Variants in KCNIP1 observed in about 807,000 individuals in gnomAD.
KCNIP1 encodes A-type potassium channel modulatory protein KCNIP1.
KCNIP1 carries 18 observed loss-of-function variants against 33.0 expected under a neutral mutation model. The observed-to-expected ratio is 0.55, with a 90% CI of 0.38 to 0.81. The LOEUF (loss-of-function observed/expected upper bound fraction) is 0.81. Ranked by LOEUF, KCNIP1 falls within the 30% of genes least tolerant of loss-of-function variation. KCNIP1 has a pLI of 0.00. For synonymous variants in KCNIP1, 93 were observed against 98.3 expected, an observed-to-expected ratio of 0.95 and a Z score of 0.32; for missense variants, 238 against 271.6, an observed-to-expected ratio of 0.88 and a Z score of 0.87.
At chr5:170,398,336 C>A (rs1312233208) in intron 1 of KCNIP1, among the ~76,000 whole-genome samples, 1 of 152,158 alleles carries the variant, frequency 6.6e-6, no homozygotes, top group African/African-American at 2.4e-5. Context: ...AGCCAAAATT[C>A]TAGGGCAAAA....
At chr5:170,703,025 C>G (rs1347646235) in intron 1 of KCNIP1, among the ~76,000 whole-genome samples, 1 of 138,394 alleles carries the variant, frequency 7.2e-6, no homozygotes, top group Non-Finnish European at 1.5e-5. Flanking sequence ...AAGTATAAGG[C>G]TGAAATGTAC....
At chr5:170,723,991 G>A (rs972330134) in intron 5 of KCNIP1, among the ~76,000 whole-genome samples, 6 of 152,208 alleles carry the variant, frequency 3.9e-5, no homozygotes, top group Admixed American at 2.0e-4. Context: ...TGACAGGTCA[G>A]CAGAGTCAGA....
rs1262294706 is a variant in KCNIP1, at chr5:170,367,384, A to G, written c.88+13420A>G. ...AAGAAAGAAAGAAAGAAAGAAAGAA[A>G]GAAAGAAAGAAAGAAAGAAAGAAAG... On this transcript the variant is annotated intron_variant, in intron 1 of 7. Coordinates refer to the KCNIP1 transcript ENST00000377360. Among the ~76,000 whole-genome samples the G allele has an allele frequency of 1.4e-4, 17 of 125,144 alleles. 1 individual carries two copies. The highest frequency in any genetic ancestry group is 5.6e-4 in the African/African-American group (17 of 30,212). 82.1% of individuals were successfully genotyped at this position (125,144 alleles called of 152,430 possible). A position where few individuals can be genotyped will look rare whatever the true frequency, so the allele number is the denominator to read the frequency against.
intron 1 of KCNIP1, among the ~76,000 whole-genome samples, chr5:170,410,878 C>T (rs779823359): frequency 3.3e-5 from 5 of 152,218 alleles, no homozygotes; most frequent in Non-Finnish European, 5.9e-5. Context: ...GGGCCCCACA[C>T]AGACGCAGGT....
chr5:170,371,721 C>T (rs764736520), intron 1 of KCNIP1, among the ~76,000 whole-genome samples: 3 of 152,168 alleles, frequency 2.0e-5, no homozygotes, highest in Admixed American at 6.5e-5. Context: ...CCCTTATTAC[C>T]GTTAGGAATG....
chr5:170,472,364 C>T (rs576093093), intron 1 of KCNIP1, among the ~76,000 whole-genome samples: 87 of 152,300 alleles, frequency 5.7e-4, no homozygotes, highest in African/African-American at 1.9e-3. Context: ...TAGGTCCGCC[C>T]GCCTGGGTAA....
intron 1 of KCNIP1, among the ~76,000 whole-genome samples, chr5:170,514,198 C>T (rs959415710): frequency 2.6e-5 from 4 of 152,204 alleles, no homozygotes; most frequent in Non-Finnish European, 5.9e-5. Context: ...AGCTCCTCAC[C>T]CATGCCAACC....
Position 170,367,401 on chromosome 5 carries a change from G to GAAAGAAA in KCNIP1, c.88+13438_88+13444dup, listed in dbSNP as rs1356886603. Among the ~76,000 whole-genome samples the GAAAGAAA allele has an allele frequency of 1.7e-5, 2 of 121,064 alleles. 1 individual carries two copies. Among genetic ancestry groups the GAAAGAAA allele is most frequent in the Non-Finnish European group, 3.5e-5 (2 of 57,538 alleles). 79.4% of individuals were successfully genotyped at this position (121,064 alleles called of 152,430 possible). A position where few individuals can be genotyped will look rare whatever the true frequency, so the allele number is the denominator to read the frequency against. Reference sequence around the variant, plus strand: ...AGAAAGAAAGAAAGAAAGAAAGAAAGAAAGAAAGAAAGAAAGAAAGGAAAG... The same window carrying GAAAGAAA: ...AGAAAGAAAGAAAGAAAGAAAGAAAGAAAGAAAAAAGAAAGAAAGAAAGAAAGGAAAG... On this transcript the variant is annotated intron_variant, in intron 1 of 7. Transcript: ENST00000377360.
rs538796847 is a variant in KCNIP1, at chr5:170,657,439, G to A, written c.62-61319G>A. On this transcript the variant is annotated intron_variant, in intron 1 of 7. Transcript: ENST00000328939. The stretch of plus-strand genomic sequence containing the variant: ...TTCCTTAGGGCAGGCACCCACCACC[G>A]CCTTGGCTCAGGCCTCAGTTTCCAT... 2.0e-4 allele frequency among the ~76,000 whole-genome samples: 31 copies of A among 152,254 alleles called. 1 individual carries two copies. In the South Asian group the frequency reaches 5.4e-3, roughly 27 times the overall value.
chr5:170,549,856 G>C (rs1756543748), intron 1 of KCNIP1, among the ~76,000 whole-genome samples: 1 of 152,046 alleles, frequency 6.6e-6, no homozygotes, highest in Non-Finnish European at 1.5e-5. Flanking sequence ...TCATTTTTTG[G>C]GTAGAATTCA....
chr5:170,593,359 T>C (rs184313747), intron 1 of KCNIP1, among the ~76,000 whole-genome samples: 2 of 152,168 alleles, frequency 1.3e-5, no homozygotes, highest in Non-Finnish European at 2.9e-5. Context: ...CTTCCAGAAA[T>C]GTTTAACAGA....
chr5:170,517,707 A>T (rs1381975102), intron 1 of KCNIP1, among the ~76,000 whole-genome samples: 1 of 150,432 alleles, frequency 6.6e-6, no homozygotes, highest in Admixed American at 6.6e-5. Context: ...GGTGATGGTG[A>T]TGGTAGTAGT....
intron 1 of KCNIP1, among the ~76,000 whole-genome samples, chr5:170,387,432 ACCC>A (rs1489490319): frequency 4.5e-4 from 69 of 152,100 alleles, no homozygotes; most frequent in African/African-American, 1.6e-3. Context: ...CTGCCCTCAT[ACCC>A]GGGCATCTCC....
At chr5:170,539,487 C>T (rs140044159) in intron 1 of KCNIP1, among the ~76,000 whole-genome samples, 45 of 152,250 alleles carry the variant, frequency 3.0e-4, no homozygotes, top group African/African-American at 9.9e-4. Context: ...TTTGGGCATC[C>T]GGATCTCAGC....
At chr5:170,508,568 G>A (rs1223259607) in intron 1 of KCNIP1, among the ~76,000 whole-genome samples, 1 of 152,212 alleles carries the variant, frequency 6.6e-6, no homozygotes, top group East Asian at 1.9e-4. Context: ...GCAGGCCTTT[G>A]GCAAGTCATT....
intron 1 of KCNIP1, among the ~76,000 whole-genome samples, chr5:170,601,159 G>A (rs748683773): frequency 1.3e-5 from 2 of 152,374 alleles, no homozygotes; most frequent in South Asian, 2.1e-4. Context: ...CAGTTTGCGC[G>A]CTAAGGCTGT....
intron 1 of KCNIP1, among the ~76,000 whole-genome samples, chr5:170,711,048 C>T (rs1763427283): frequency 6.6e-6 from 1 of 152,202 alleles, no homozygotes; most frequent in African/African-American, 2.4e-5. Context: ...TCATTGATAA[C>T]AGCTAAGAAC....
intron 1 of KCNIP1, among the ~76,000 whole-genome samples, chr5:170,624,744 G>GA (rs1759756422): frequency 8.1e-6 from 1 of 123,840 alleles, no homozygotes; most frequent in Non-Finnish European, 1.7e-5. Flanking sequence ...GGGGGGGAGA[G>GA]GGGAGGGGAG....
intron 5 of KCNIP1, among the ~76,000 whole-genome samples, chr5:170,732,153 G>C (rs900200465): frequency 1.3e-5 from 2 of 152,040 alleles, no homozygotes; most frequent in African/African-American, 4.8e-5. Context: ...CTGTCCCCTG[G>C]GTCTCTGTAG....
Sources: allele counts gnomAD v4.1 joint callset (sites outside exome capture counted in the v4.1 genomes callset), GRCh38; gene constraint gnomAD v4.1.1; transcripts MANE v1.5; gene names NCBI Gene and HGNC (gene_info 2026-07-23, HGNC 2026-07-21).